Variants in WWOX observed in about 807,000 individuals in gnomAD.
The protein encoded by WWOX is WW domain-containing oxidoreductase.
Under a neutral mutation model 46.2 loss-of-function variants are expected in WWOX, and 69 were observed. The ratio of observed to expected loss-of-function variants is 1.49; its 90% CI spans 1.23 to 1.82. WWOX has a LOEUF of 1.82. Ranked by LOEUF, WWOX falls within the 40% of genes most tolerant of loss-of-function variation. The pLI, the probability that WWOX is intolerant of heterozygous loss-of-function variation, is 0.00. For synonymous variants in WWOX, 359 were observed against 202.6 expected, an observed-to-expected ratio of 1.77 and a Z score of -6.56; for missense variants, 919 against 542.6, an observed-to-expected ratio of 1.69 and a Z score of -6.89.
chr16:78,578,284 A>ATATATATATATATATTTATT (rs1555567122), intron 8 of WWOX, among the ~76,000 whole-genome samples: 1 of 20,840 alleles, frequency 4.8e-5, no homozygotes, highest in Non-Finnish European at 8.1e-5. Context: ...ATATATATAT[A>ATATATATATATATATTTATT]TTTTTTTTTT....
intron 7 of WWOX, among the ~76,000 whole-genome samples, chr16:78,428,146 A>G (rs1217107085): frequency 1.9e-4 from 29 of 152,248 alleles, no homozygotes; most frequent in South Asian, 2.1e-4. Flanking sequence ...GGGTCCCCCT[A>G]CAAAGCAAGT....
chr16:78,100,424 T>G (rs962883919), intron 1 of WWOX, among the ~76,000 whole-genome samples: 1 of 152,184 alleles, frequency 6.6e-6, no homozygotes, highest in African/African-American at 2.4e-5. Context: ...GACTAATTTT[T>G]TAAGTATTTG....
At chr16:78,284,957 G>C (rs1347311385) in intron 5 of WWOX, among the ~76,000 whole-genome samples, 2 of 152,176 alleles carry the variant, frequency 1.3e-5, no homozygotes, top group Non-Finnish European at 2.9e-5. Context: ...GGTCTCCTCT[G>C]CTGTCTATTT....
chr16:78,486,439 A>G (rs988512619), intron 8 of WWOX, among the ~76,000 whole-genome samples: 1 of 152,164 alleles, frequency 6.6e-6, no homozygotes, highest in African/African-American at 2.4e-5. Context: ...CTACTTTAAT[A>G]CTTAATAATG....
intron 8 of WWOX, among the ~76,000 whole-genome samples, chr16:78,587,132 C>G (rs1393496271): frequency 6.6e-6 from 1 of 151,710 alleles, no homozygotes; most frequent in Non-Finnish European, 1.5e-5. Flanking sequence ...CTCAACCTAT[C>G]CTCTTACCTC....
At position 78,679,823 on chromosome 16, in the gene WWOX, T is replaced by A. The variant is rs574458357; in HGVS notation, c.1056+247071T>A. On this transcript the variant is annotated intron_variant, in intron 8 of 8. Coordinates refer to ENST00000566780, the MANE Select transcript of WWOX (RefSeq NM_016373.4). Reference sequence around the variant, plus strand: ...TCTTGCTGCCTGCAGAAAGAGACACTCAGAGTCAACTGTTTTAGGGGCCAT... The same window carrying A: ...TCTTGCTGCCTGCAGAAAGAGACACACAGAGTCAACTGTTTTAGGGGCCAT... Among the ~76,000 whole-genome samples, 737 of 152,294 alleles carry A rather than the reference T, an allele frequency of 4.8e-3. 4 individuals are homozygous for A. Among genetic ancestry groups the A allele is most frequent in the Non-Finnish European group, 7.3e-3 (499 of 68,022 alleles).
chr16:78,279,767 C>T (rs1009012344), intron 5 of WWOX, among the ~76,000 whole-genome samples: 1 of 152,120 alleles, frequency 6.6e-6, no homozygotes, highest in African/African-American at 2.4e-5. Context: ...AGTGAGATAC[C>T]CTTTAATCTT....
At chr16:79,008,060 C>G (rs750667391) in intron 8 of WWOX, among the ~76,000 whole-genome samples, 2 of 152,182 alleles carry the variant, frequency 1.3e-5, no homozygotes, top group Admixed American at 1.3e-4. Flanking sequence ...AGGCTGAAAT[C>G]AAAGCGTCAG....
At chr16:78,456,214 A>C (rs1343863451) in intron 8 of WWOX, among the ~76,000 whole-genome samples, 1 of 152,190 alleles carries the variant, frequency 6.6e-6, no homozygotes, top group Non-Finnish European at 1.5e-5. Context: ...TAGCAGCAAC[A>C]CAGTAAGTTG....
At chr16:78,481,623 T>A (rs1376745373) in intron 8 of WWOX, among the ~76,000 whole-genome samples, 3 of 140,190 alleles carry the variant, frequency 2.1e-5, no homozygotes, top group African/African-American at 8.5e-5. Flanking sequence ...TGAGCCTAGT[T>A]GATGGAATTG....
chr16:78,395,668 A>G (rs1056417186), intron 6 of WWOX, among the ~76,000 whole-genome samples: 1 of 152,236 alleles, frequency 6.6e-6, no homozygotes, highest in African/African-American at 2.4e-5. Context: ...ACAAGAGCCA[A>G]GAGAAATTAT....
chr16:78,795,617 A>T (rs1426695448), intron 8 of WWOX, among the ~76,000 whole-genome samples: 3 of 152,188 alleles, frequency 2.0e-5, no homozygotes, highest in East Asian at 3.9e-4. Flanking sequence ...ACGCCTCACT[A>T]ATGGAACACT....
intron 8 of WWOX, among the ~76,000 whole-genome samples, chr16:78,493,939 T>G (rs527501252): frequency 6.6e-6 from 1 of 152,260 alleles, no homozygotes; most frequent in South Asian, 2.1e-4. Flanking sequence ...TTATAATAAT[T>G]GGAAAGTGTA....
intron 8 of WWOX, among the ~76,000 whole-genome samples, chr16:79,211,032 G>GGA (rs1555547719): frequency 0.013 from 395 of 30,458 alleles, 4 homozygotes; most frequent in African/African-American, 0.044. Flanking sequence ...TGTATGGTGA[G>GGA]GAGTGTGTGT....
At chr16:78,545,033 AAGAG>A (rs1003420320) in intron 8 of WWOX, among the ~76,000 whole-genome samples, 17 of 152,252 alleles carry the variant, frequency 1.1e-4, no homozygotes, top group Middle Eastern at 3.4e-3. Flanking sequence ...GAGAGAAAGA[AAGAG>A]AGAGAGATTA....
chr16:78,451,576 T>G (rs960861289), intron 8 of WWOX, among the ~76,000 whole-genome samples: 1 of 152,192 alleles, frequency 6.6e-6, no homozygotes, highest in African/African-American at 2.4e-5. Flanking sequence ...ATTACCTCCT[T>G]GGGCTTTGGA....
rs1309574943 is a variant in WWOX, at chr16:78,143,750, ATGTTTTT to A, written c.410-20431_410-20425del. ...AGCTCATTCCTCTAAAAGAATTGGT[ATGTTTTT>A]TTTTTTTTTTTTTTGGTGGTGGTTG... On this transcript the variant is annotated intron_variant, in intron 4 of 8. Transcript: ENST00000566780. 2.4e-3 allele frequency among the ~76,000 whole-genome samples: 217 copies of A among 92,268 alleles called. 1 individual carries two copies. The highest frequency in any genetic ancestry group is 8.1e-3 in the African/African-American group (210 of 26,052). The allele number at this position is 92,268 out of a possible 152,430, so 60.5% of individuals were successfully genotyped here. A position where few individuals can be genotyped will look rare whatever the true frequency, so the allele number is the denominator to read the frequency against.
intron 8 of WWOX, among the ~76,000 whole-genome samples, chr16:78,777,959 C>T (rs904383942): frequency 2.0e-5 from 3 of 147,280 alleles, no homozygotes; most frequent in East Asian, 2.1e-4. Context: ...GTAGGAGAAT[C>T]GCTTGAACCC....
intron 8 of WWOX, among the ~76,000 whole-genome samples, chr16:78,847,447 G>A (rs1286464350): frequency 2.6e-5 from 4 of 151,992 alleles, no homozygotes; most frequent in Non-Finnish European, 4.4e-5. Flanking sequence ...ATGTGTGTTT[G>A]TACCTAATTC....
Sources: allele counts gnomAD v4.1 joint callset (sites outside exome capture counted in the v4.1 genomes callset), GRCh38; gene constraint gnomAD v4.1.1; transcripts MANE v1.5; gene names NCBI Gene and HGNC (gene_info 2026-07-23, HGNC 2026-07-21).